ADCY9: variants seen among roughly 807,000 people sequenced by gnomAD.
ADCY9 encodes the protein adenylate cyclase 9.
A neutral mutation model predicts 101.5 loss-of-function variants in ADCY9; 50 were observed. That is an observed-to-expected ratio of 0.49 (90% CI 0.39 to 0.62). The LOEUF is 0.62. Ranked by LOEUF, ADCY9 falls within the 20% of genes least tolerant of loss-of-function variation. The pLI, the probability that ADCY9 is intolerant of heterozygous loss-of-function variation, is 0.00. For missense variants in ADCY9, 1,662 were observed against 1,800.4 expected, an observed-to-expected ratio of 0.92 and a Z score of 1.39; for synonymous variants, 905 against 769.3, an observed-to-expected ratio of 1.18 and a Z score of -2.92.
intron 6 of ADCY9, among the ~76,000 whole-genome samples, chr16:3,987,010 C>T (rs1266127721): frequency 6.6e-6 from 1 of 152,264 alleles, no homozygotes; most frequent in African/African-American, 2.4e-5. Flanking sequence ...CCCCACCCTG[C>T]CCCGGATGCG....
At chr16:3,961,987 C>T (rs982012836), downstream of ADCY9, among the ~76,000 whole-genome samples, 16 of 151,784 alleles carry the variant, frequency 1.1e-4, no homozygotes, top group Non-Finnish European at 8.8e-5. Context: ...GATCGCACCA[C>T]GGCACTCCAG....
At position 3,989,111 on chromosome 16, in the gene ADCY9, A is replaced by C. The variant is rs1295020916; in HGVS notation, c.2208-15T>G. 1 of 1,580,408 alleles carries C rather than the reference A, an allele frequency of 6.3e-7. No individual in the cohort carries two copies. Among genetic ancestry groups the C allele is most frequent in the East Asian group, 2.2e-5 (1 of 44,722 alleles). ...CTTTCATCAGGCTAGAAGACACAAC[A>C]AATGCAGTCGATCAATACCCAGCAC... On this transcript the variant is annotated splice_polypyrimidine_tract_variant and intron_variant, in intron 5 of 10. Transcript: ENST00000294016.
intron 2 of ADCY9, among the ~76,000 whole-genome samples, chr16:4,089,635 T>C (rs1403618271): frequency 3.9e-5 from 6 of 151,992 alleles, no homozygotes; most frequent in Admixed American, 2.0e-4. Context: ...TGCTTAACCT[T>C]TTGGGGACCT....
chr16:4,041,668 T>A (rs114055374), intron 2 of ADCY9, among the ~76,000 whole-genome samples: 4,979 of 151,596 alleles, frequency 0.033, 285 homozygotes, highest in African/African-American at 0.11. Context: ...AGCTAATACT[T>A]AAAAAAGAAA....
intron 2 of ADCY9, among the ~76,000 whole-genome samples, chr16:4,106,066 C>A (rs1215186582): frequency 6.6e-6 from 1 of 152,178 alleles, no homozygotes; most frequent in Non-Finnish European, 1.5e-5. Context: ...TCCCACCTAT[C>A]CCAGAACATT....
intron 2 of ADCY9, among the ~76,000 whole-genome samples, chr16:4,027,833 T>C (rs2056527886): frequency 6.7e-6 from 1 of 149,118 alleles, no homozygotes; most frequent in Non-Finnish European, 1.5e-5. Context: ...GCCAAGATCA[T>C]GCCATTGCAC....
chr16:4,072,955 CA>C (rs1193579999), intron 2 of ADCY9, among the ~76,000 whole-genome samples: 3 of 68,144 alleles, frequency 4.4e-5, no homozygotes, highest in Non-Finnish European at 8.5e-5. Flanking sequence ...GAATAAGTTG[CA>C]AAAAAAATTT....
intron 3 of ADCY9, among the ~76,000 whole-genome samples, chr16:4,006,411 CT>C (rs2056367862): frequency 6.6e-6 from 1 of 152,200 alleles, no homozygotes; most frequent in Non-Finnish European, 1.5e-5. Context: ...GCGACAGGCA[CT>C]ATGTATTCTG....
intron 2 of ADCY9, among the ~76,000 whole-genome samples, chr16:4,023,514 C>A (rs1181818892): frequency 6.6e-6 from 1 of 152,176 alleles, no homozygotes; most frequent in Non-Finnish European, 1.5e-5. Context: ...TCCCAGCATG[C>A]TCACGTGGCT....
chr16:3,953,918 T>C (rs529494007), intron 5 of ADCY9, among the ~76,000 whole-genome samples: 3 of 152,308 alleles, frequency 2.0e-5, no homozygotes, highest in Admixed American at 6.5e-5. Context: ...CCTCCCAGAA[T>C]GGTTTTTGGT....
chr16:4,007,640 G>T, intron 2 of ADCY9, 82 bp from the exon 3 acceptor site: 3 of 1,199,508 alleles, frequency 2.5e-6, no homozygotes. Flanking sequence ...CTCTGGAGAG[G>T]ACTCACTCCT....
chr16:4,087,927 TTTC>T (rs146243695), intron 2 of ADCY9, among the ~76,000 whole-genome samples: 4,079 of 146,576 alleles, frequency 0.028, 454 homozygotes, highest in African/African-American at 0.1. Context: ...TCTTTCTTCC[TTTC>T]TTCTTCTTTT....
intron 2 of ADCY9, among the ~76,000 whole-genome samples, chr16:4,097,521 A>G (rs2057013360): frequency 9.6e-6 from 1 of 103,944 alleles, no homozygotes; most frequent in Non-Finnish European, 1.8e-5. Context: ...GTATAAATAC[A>G]TATGTACATA....
chr16:4,098,793 T>C (rs547862177), intron 2 of ADCY9, among the ~76,000 whole-genome samples: 1 of 152,104 alleles, frequency 6.6e-6, no homozygotes, highest in South Asian at 2.1e-4. Flanking sequence ...TACTAAGGGA[T>C]TTCCTAGAGT....
chr16:4,074,312 T>G (rs1465477102), intron 2 of ADCY9, among the ~76,000 whole-genome samples: 1 of 151,860 alleles, frequency 6.6e-6, no homozygotes, highest in Non-Finnish European at 1.5e-5. Flanking sequence ...TGATAAAAAA[T>G]GTACTTTGTA....
At chr16:3,960,030 AAAAT>A (rs1567409330), downstream of ADCY9, among the ~76,000 whole-genome samples, 1 of 152,126 alleles carries the variant, frequency 6.6e-6, no homozygotes, top group Non-Finnish European at 1.5e-5. Flanking sequence ...TGTCTCAAAA[AAAAT>A]AAATAAATAA....
At chr16:4,012,619 A>G (rs951616273) in intron 2 of ADCY9, among the ~76,000 whole-genome samples, 11 of 152,192 alleles carry the variant, frequency 7.2e-5, no homozygotes, top group African/African-American at 2.7e-4. Flanking sequence ...AATTTTACAA[A>G]GGCTACAGAG....
chr16:4,100,824 C>T (rs1334591268), intron 2 of ADCY9, among the ~76,000 whole-genome samples: 2 of 151,600 alleles, frequency 1.3e-5, no homozygotes, highest in Non-Finnish European at 2.9e-5. Context: ...CAAATAAAAG[C>T]ATCTAAACAC....
At chr16:4,055,992 G>A (rs950024665) in intron 2 of ADCY9, among the ~76,000 whole-genome samples, 2 of 152,166 alleles carry the variant, frequency 1.3e-5, no homozygotes, top group Non-Finnish European at 2.9e-5. Context: ...TCTCTGGCAA[G>A]CGGTTTTGAA....
Sources: gnomAD v4.1 joint callset for allele counts (sites outside exome capture counted in the v4.1 genomes callset) on GRCh38, gnomAD v4.1.1 for gene constraint, MANE v1.5 for transcripts, NCBI Gene and HGNC (gene_info 2026-07-23, HGNC 2026-07-21) for gene names.